Variants in DNAJB1 observed in about 807,000 individuals in gnomAD.
The protein encoded by DNAJB1 is DnaJ heat shock protein family (Hsp40) member B1, also known as dnaJ homolog subfamily B member 1.
A neutral mutation model predicts 24.0 loss-of-function variants in DNAJB1; 14 were observed. The observed-to-expected ratio is 0.58, with a 90% CI of 0.39 to 0.91. The LOEUF (loss-of-function observed/expected upper bound fraction) is 0.91. DNAJB1 is among the 40% of genes least tolerant of loss of function. The pLI, the probability that DNAJB1 is intolerant of heterozygous loss-of-function variation, is 0.00. For synonymous variants in DNAJB1, 262 were observed against 174.4 expected (o/e 1.50, Z -3.96); for missense variants, 517 against 458.1 (o/e 1.13, Z -1.17).
chr19:14,534,227 C>T (rs1196187391), upstream of DNAJB1, among the ~76,000 whole-genome samples: 2 of 151,758 alleles, frequency 1.3e-5, no homozygotes, highest in African/African-American at 4.8e-5. Context: ...CGGGTTCACG[C>T]CATTCTCCTG....
At position 14,515,871 on chromosome 19, in the gene DNAJB1, T is replaced by A; in HGVS notation, c.*69A>T. The A allele has an allele frequency of 5.7e-6, 8 of 1,411,330 alleles. No homozygotes were observed. The highest frequency in any genetic ancestry group is 3.9e-6 in the Non-Finnish European group (4 of 1,021,962). The allele number at this position is 1,411,330 out of a possible 1,614,324, so 87.4% of individuals were successfully genotyped here. On this transcript the variant is annotated 3_prime_UTR_variant, in exon 3 of 3. Coordinates refer to ENST00000254322, the MANE Select transcript of DNAJB1 (RefSeq NM_006145.3). ...CTCCCACCCTCTCATGGTCCACAACTGGTAGAAAGGTCCAGAAATCCTTGA... is the reference window on the plus strand; with the variant it reads ...CTCCCACCCTCTCATGGTCCACAACAGGTAGAAAGGTCCAGAAATCCTTGA...
rs553686252 is a variant in DNAJB1, at chr19:14,536,072, G to A, written c.-213-8262C>T. Among the ~76,000 whole-genome samples, 23 of 152,132 alleles carry A rather than the reference G, an allele frequency of 1.5e-4. 1 individual carries two copies. The South Asian group carries it at 3.9e-3, about 26-fold the overall frequency. On this transcript the variant is annotated intron_variant, in intron 1 of 3. Transcript: ENST00000676982. ...TAACTTCTGTAAAGTTACAGATGAG[G>A]GACCTGAGACCCAGAGAACAAGGCC...
chr19:14,547,905 G>T (rs1386838541), intron 1 of DNAJB1, among the ~76,000 whole-genome samples: 2 of 150,232 alleles, frequency 1.3e-5, no homozygotes, highest in Non-Finnish European at 3.0e-5. Flanking sequence ...TGGACTCTGG[G>T]CCTCGAGGGA....
At chr19:14,526,191 G>T (rs560087895) in intron 2 of DNAJB1, among the ~76,000 whole-genome samples, 3 of 152,266 alleles carry the variant, frequency 2.0e-5, no homozygotes, top group South Asian at 2.1e-4. Context: ...TTTCTCCCTT[G>T]GAAATTACTT....
chr19:14,543,874 T>A (rs183561044), intron 1 of DNAJB1, among the ~76,000 whole-genome samples: 1 of 151,710 alleles, frequency 6.6e-6, no homozygotes, highest in South Asian at 2.1e-4. Context: ...TAGCTGGGAT[T>A]ACAGGCATGC....
rs953627760 is a variant in DNAJB1 at position 14,515,011 on chromosome 19, T to C, written c.*929A>G. ...GTTTTGAGTGTACACCAACTATACA[T>C]GGAATTATAAAAACATATTTACAGA... On this transcript the variant is annotated 3_prime_UTR_variant, in exon 3 of 3. Coordinates refer to ENST00000254322, the MANE Select transcript of DNAJB1 (RefSeq NM_006145.3). The C allele has an allele frequency of 5.2e-5, 8 of 152,502 alleles. No individual in the cohort carries two copies. The highest frequency in any genetic ancestry group is 1.9e-4 in the African/African-American group (8 of 41,416). The allele number at this position is 152,502 out of a possible 1,614,324, so 9.4% of individuals were successfully genotyped here.
chr19:14,514,778 G>A lies in DNAJB1; in HGVS notation c.*1162C>T, dbSNP rs1327328348. 1 of 152,664 alleles carries A rather than the reference G, an allele frequency of 6.6e-6. No individual in the cohort carries two copies. Among genetic ancestry groups the A allele is most frequent in the East Asian group, 1.9e-4 (1 of 5,200 alleles). The allele number at this position is 152,664 out of a possible 1,614,324, so 9.5% of individuals were successfully genotyped here. A position where few individuals can be genotyped will look rare whatever the true frequency, so the allele number is the denominator to read the frequency against. On this transcript the variant is annotated 3_prime_UTR_variant, in exon 3 of 3. Coordinates refer to ENST00000254322, the MANE Select transcript of DNAJB1 (RefSeq NM_006145.3). ...CACAGGACCGCTCCCCTGAGGTTTAGCATCAGTCTTTAATGCTGTCGCACT... is the reference window on the plus strand; with the variant it reads ...CACAGGACCGCTCCCCTGAGGTTTAACATCAGTCTTTAATGCTGTCGCACT...
At chr19:14,550,745 A>T (rs1326381783), upstream of DNAJB1, among the ~76,000 whole-genome samples, 1 of 152,022 alleles carries the variant, frequency 6.6e-6, no homozygotes, top group Admixed American at 6.5e-5. Context: ...TAGTGGCGTG[A>T]TCTCAGCTCA....
At chr19:14,551,852 C>G (rs1450924224), upstream of DNAJB1, among the ~76,000 whole-genome samples, 1 of 150,654 alleles carries the variant, frequency 6.6e-6, no homozygotes, top group Non-Finnish European at 1.5e-5. Context: ...TTGGTTTTAC[C>G]CTTATTTCTT....
chr19:14,529,544 G>T, upstream of DNAJB1: 3 of 1,141,746 alleles, frequency 2.6e-6, no homozygotes, highest in Non-Finnish European at 3.9e-6. Flanking sequence ...TGCCCTGATT[G>T]GCCGACGGGG....
At chr19:14,528,959 AAAAC>A (rs2072505804) in intron 1 of DNAJB1, among the ~76,000 whole-genome samples, 1 of 152,160 alleles carries the variant, frequency 6.6e-6, no homozygotes, top group Non-Finnish European at 1.5e-5. Context: ...ACAAAACAGA[AAAAC>A]AAAGTGGGGC....
chr19:14,552,116 G>T (rs2073543707), upstream of DNAJB1, among the ~76,000 whole-genome samples: 1 of 150,266 alleles, frequency 6.7e-6, no homozygotes, highest in Non-Finnish European at 1.5e-5. Context: ...TGAGATTACA[G>T]GCATGAGCCA....
In DNAJB1 at chr19:14,542,347, G is replaced by GTTTTTT. The variant is rs71166754; in HGVS notation, c.-214+7855_-214+7860dup. ...CCTCAGGGGGCCCTCATGCCATAGTGTTTTTTTTTTTTTTTTTTTTTTTTT... is the reference window on the plus strand; with the variant it reads ...CCTCAGGGGGCCCTCATGCCATAGTGTTTTTTTTTTTTTTTTTTTTTTTTTTTTTTT... On this transcript the variant is annotated intron_variant, in intron 1 of 3. Transcript: ENST00000676982. 5.3e-4 allele frequency among the ~76,000 whole-genome samples: 23 copies of GTTTTTT among 43,296 alleles called. 2 individuals carry two copies. The highest frequency in any genetic ancestry group is 1.9e-3 in the South Asian group (2 of 1,080). 28.4% of individuals were successfully genotyped at this position (43,296 alleles called of 152,430 possible).
rs1454846397 is a variant in DNAJB1, at chr19:14,516,153, T to A, written c.810A>T (p.Thr270=). 3 of 1,613,430 alleles carry A rather than the reference T, an allele frequency of 1.9e-6. No individual in the cohort carries two copies. Among genetic ancestry groups the A allele is most frequent in the Non-Finnish European group, 2.5e-6 (3 of 1,179,892 alleles). ...TGCCGTCCAGAGTGGGGACGTTCAC[T>A]GTGCAGCCACACAGAGCCTTGAAAA... is the stretch of plus-strand genomic sequence containing the variant. ...ISLREALCGC[T]VNVPTLDGRT... The change falls in exon 3 of 3, where the codon ACA becomes ACT. Residue 270 remains threonine, a synonymous_variant. Coordinates refer to ENST00000254322, the MANE Select transcript of DNAJB1 (RefSeq NM_006145.3).
chr19:14,528,913 A>G (rs1019734899), intron 1 of DNAJB1, among the ~76,000 whole-genome samples: 1 of 152,166 alleles, frequency 6.6e-6, no homozygotes, highest in Non-Finnish European at 1.5e-5. Flanking sequence ...ACTGCACTCC[A>G]GCTGGGGGAC....
At chr19:14,529,603 A>T (rs754965095), upstream of DNAJB1, 10 of 1,594,454 alleles carry the variant, frequency 6.3e-6, no homozygotes, top group Non-Finnish European at 8.6e-6. Flanking sequence ...CGTTTAGTCT[A>T]TCGCTGCGGT....
upstream of DNAJB1, among the ~76,000 whole-genome samples, chr19:14,522,525 A>T (rs1441645895): frequency 6.6e-6 from 1 of 151,564 alleles, no homozygotes; most frequent in Admixed American, 6.6e-5. Flanking sequence ...CTGAAAGCAA[A>T]CACTGAGGTT....
intron 2 of DNAJB1, 44 bp downstream of exon 2, chr19:14,516,422 G>T: frequency 6.4e-7 from 1 of 1,573,512 alleles, no homozygotes; most frequent in African/African-American, 1.4e-5. Flanking sequence ...GCTTCAAAAA[G>T]CAGCCATCGC....
intron 1 of DNAJB1, among the ~76,000 whole-genome samples, chr19:14,538,185 G>C (rs1392916447): frequency 6.6e-6 from 1 of 152,232 alleles, no homozygotes; most frequent in South Asian, 2.1e-4. Context: ...GTGGCTAGCA[G>C]AGCTGGGATT....
Sources: allele counts gnomAD v4.1 joint callset (sites outside exome capture counted in the v4.1 genomes callset), GRCh38; gene constraint gnomAD v4.1.1; transcripts MANE v1.5; gene names NCBI Gene and HGNC (gene_info 2026-07-23, HGNC 2026-07-21).